Variants in OPRD1 observed in about 807,000 individuals in gnomAD.
OPRD1 encodes delta-type opioid receptor.
OPRD1 carries 19 observed loss-of-function variants against 17.5 expected under a neutral mutation model. That is an observed-to-expected ratio of 1.09 (90% confidence interval 0.76 to 1.60). OPRD1 has a LOEUF of 1.60. Among genes scored for constraint, OPRD1 ranks in the 40% most tolerant of loss-of-function variants. OPRD1 has a pLI of 0.00. For missense variants in OPRD1, 483 were observed against 547.2 expected (o/e 0.88, Z 1.17); for synonymous variants, 256 against 240.9 (o/e 1.06, Z -0.58).
At chr1:28,831,976 C>G (rs1431663623) in intron 1 of OPRD1, among the ~76,000 whole-genome samples, 1 of 152,180 alleles carries the variant, frequency 6.6e-6, no homozygotes, top group African/African-American at 2.4e-5. Flanking sequence ...GATGAGAAAA[C>G]TGGGGCTCAG....
At chr1:28,862,465 C>T (rs548634589) in intron 2 of OPRD1, among the ~76,000 whole-genome samples, 4 of 152,284 alleles carry the variant, frequency 2.6e-5, no homozygotes, top group Non-Finnish European at 4.4e-5. Context: ...GATTTCATTA[C>T]GGCCACCCAT....
chr1:28,839,242 T>A (rs2088877019), intron 1 of OPRD1, among the ~76,000 whole-genome samples: 1 of 152,156 alleles, frequency 6.6e-6, no homozygotes, highest in Non-Finnish European at 1.5e-5. Context: ...TTCTGGTGGC[T>A]CCAGGCTCTT....
At position 28,817,936 on chromosome 1, in the gene OPRD1, T is replaced by A. The variant is rs1412046267; in HGVS notation, c.227+5326T>A. Among the ~76,000 whole-genome samples, 3 of 151,554 alleles carry A rather than the reference T, an allele frequency of 2.0e-5. No homozygotes were observed. In the East Asian group the frequency reaches 5.9e-4, roughly 30 times the overall value. On this transcript the variant is annotated intron_variant, in intron 1 of 2. Coordinates refer to ENST00000234961, the MANE Select transcript of OPRD1 (RefSeq NM_000911.4). ...GGTTTCACCATGTTGGCCAGGCTGGTCTCGAACTCCTGACCTCAAGTGATC... is the reference window on the plus strand; with the variant it reads ...GGTTTCACCATGTTGGCCAGGCTGGACTCGAACTCCTGACCTCAAGTGATC...
In OPRD1 at chr1:28,864,129, A is replaced by T. The variant is rs2089152799; in HGVS notation, c.*846A>T. 1 of 152,252 alleles carries T rather than the reference A, an allele frequency of 6.6e-6. No homozygotes were observed. Among genetic ancestry groups the T allele is most frequent in the Non-Finnish European group, 1.5e-5 (1 of 68,144 alleles). 9.4% of individuals were successfully genotyped at this position (152,252 alleles called of 1,614,324 possible). ...ACAAAAAATACAAAATTAGCCAGGC[A>T]TGGTGGTGTGTACCTGCAGGCCTAG... is the stretch of plus-strand genomic sequence containing the variant. On this transcript the variant is annotated 3_prime_UTR_variant, in exon 3 of 3. Transcript: ENST00000234961.
chr1:28,861,912 T>C (rs60191888), intron 2 of OPRD1, among the ~76,000 whole-genome samples: 1 of 42,730 alleles, frequency 2.3e-5, no homozygotes, highest in African/African-American at 4.6e-5. Flanking sequence ...TCTTTTCTTT[T>C]CTTTTTTTTT....
chr1:28,863,128 G>C lies in OPRD1; in HGVS notation c.964G>C (p.Asp322His), dbSNP rs759595223. 1 of 1,609,702 alleles carries C rather than the reference G, an allele frequency of 6.2e-7. No individual in the cohort carries two copies. Among genetic ancestry groups the C allele is most frequent in the Admixed American group, 1.7e-5 (1 of 59,818 alleles). The change falls in exon 3 of 3, where the codon GAC (aspartate) becomes CAC (histidine). Residue 322 changes from aspartate to histidine, a missense_variant. Coordinates refer to ENST00000234961, the MANE Select transcript of OPRD1 (RefSeq NM_000911.4). ...CAACCCCGTGCTCTACGCTTTCCTC[G>C]ACGAGAACTTCAAGCGCTGCTTCCG... The part of the protein sequence containing the change: ...SLNPVLYAFL[D>H]ENFKRCFRQL...
intron 1 of OPRD1, among the ~76,000 whole-genome samples, chr1:28,816,826 C>T (rs989971704): frequency 1.3e-5 from 2 of 152,118 alleles, no homozygotes; most frequent in African/African-American, 4.8e-5. Flanking sequence ...AGAGACTTCC[C>T]ATGGGCAGCC....
intron 1 of OPRD1, among the ~76,000 whole-genome samples, chr1:28,835,180 C>T (rs2088841729): frequency 6.6e-6 from 1 of 152,186 alleles, no homozygotes; most frequent in African/African-American, 2.4e-5. Flanking sequence ...AGTCTGCGTT[C>T]TTGGGCCCCC....
intron 1 of OPRD1, among the ~76,000 whole-genome samples, chr1:28,838,913 G>C (rs1557573543): frequency 6.6e-6 from 1 of 152,048 alleles, no homozygotes. Context: ...TTTGGTTGTT[G>C]TAAGAGATGG....
chr1:28,847,201 G>A (rs1006194443), intron 1 of OPRD1, among the ~76,000 whole-genome samples: 2 of 152,040 alleles, frequency 1.3e-5, no homozygotes, highest in Middle Eastern at 3.4e-3. Context: ...ACAGGTGCCC[G>A]CCACCATGCC....
chr1:28,832,988 A>G (rs1037257693), intron 1 of OPRD1, among the ~76,000 whole-genome samples: 2 of 152,228 alleles, frequency 1.3e-5, no homozygotes, highest in Non-Finnish European at 2.9e-5. Flanking sequence ...GGACTGAAAC[A>G]TTAAGCTGGC....
chr1:28,842,966 G>GA (rs143171946), intron 1 of OPRD1, among the ~76,000 whole-genome samples: 50,752 of 147,152 alleles, frequency 0.34, 8,846 homozygotes, highest in Middle Eastern at 0.47. Context: ...TAGCTACTTG[G>GA]GAAAAAAAAA....
intron 1 of OPRD1, among the ~76,000 whole-genome samples, chr1:28,819,943 G>A (rs114661586): frequency 0.011 from 1,728 of 152,252 alleles, 21 homozygotes; most frequent in Non-Finnish European, 0.017. Context: ...TACTAAGAGA[G>A]TGAGCTTGAA....
intron 1 of OPRD1, among the ~76,000 whole-genome samples, chr1:28,818,426 A>G (rs2088687700): frequency 6.6e-6 from 1 of 152,186 alleles, no homozygotes; most frequent in Admixed American, 6.5e-5. Flanking sequence ...ATGGGAGTCC[A>G]GGGAGTCTCC....
chr1:28,812,494 G>T lies in OPRD1; in HGVS notation c.111G>T (p.Pro37=), dbSNP rs757055379. ...CPSAGANASG[P]PGARSASSLA... ...GCGCTGGCGCCAATGCGTCGGGGCC[G>T]CCAGGCGCGCGGAGCGCCTCGTCCC... is the stretch of plus-strand genomic sequence containing the variant. Residue 37 remains proline, a synonymous_variant, in exon 1 of 3, where the codon CCG becomes CCT. Coordinates refer to ENST00000234961, the MANE Select transcript of OPRD1 (RefSeq NM_000911.4). The T allele has an allele frequency of 2.6e-6, 4 of 1,557,162 alleles. No homozygotes were observed. The highest frequency in any genetic ancestry group is 3.4e-6 in the Non-Finnish European group (4 of 1,160,382).
At chr1:28,820,768 T>C (rs2088706421) in intron 1 of OPRD1, among the ~76,000 whole-genome samples, 1 of 151,994 alleles carries the variant, frequency 6.6e-6, no homozygotes, top group South Asian at 2.1e-4. Flanking sequence ...CAGTGAGCTA[T>C]GATTGTACCA....
chr1:28,854,123 G>C (rs541655534), intron 1 of OPRD1, among the ~76,000 whole-genome samples: 1 of 152,114 alleles, frequency 6.6e-6, no homozygotes, highest in Non-Finnish European at 1.5e-5. Flanking sequence ...GCTGTCTCTC[G>C]GGAGAGAGGG....
chr1:28,848,350 C>A (rs2088970851), intron 1 of OPRD1, among the ~76,000 whole-genome samples: 1 of 152,144 alleles, frequency 6.6e-6, no homozygotes, highest in Non-Finnish European at 1.5e-5. Flanking sequence ...AGCACACCTC[C>A]TCAGAGAAGC....
chr1:28,835,130 T>C (rs970575921), intron 1 of OPRD1, among the ~76,000 whole-genome samples: 5 of 152,158 alleles, frequency 3.3e-5, no homozygotes, highest in African/African-American at 1.2e-4. Context: ...CCTGTCCTAT[T>C]TCCAGAGGTC....
Sources: gnomAD v4.1 joint callset for allele counts (sites outside exome capture counted in the v4.1 genomes callset) on GRCh38, gnomAD v4.1.1 for gene constraint, MANE v1.5 for transcripts, NCBI Gene and HGNC (gene_info 2026-07-23, HGNC 2026-07-21) for gene names.